The following XRCC4 variants were observed in gnomAD, a reference collection of about 807,000 sequenced individuals.
The protein encoded by XRCC4 is X-ray repair cross complementing 4, also known as DNA repair protein XRCC4.
Under a neutral mutation model 39.1 loss-of-function variants are expected in XRCC4, and 28 were observed. That is an observed-to-expected ratio of 0.72 (90% CI 0.53 to 0.98). The LOEUF is 0.98. Ranked by LOEUF, XRCC4 falls within the 50% of genes least tolerant of loss-of-function variation. The pLI is 0.00. For missense variants in XRCC4, 350 were observed against 376.4 expected (o/e 0.93, Z 0.58); for synonymous variants, 123 against 126.4 (o/e 0.97, Z 0.18).
intron 7 of XRCC4, among the ~76,000 whole-genome samples, chr5:83,322,875 CA>C (rs1756124379): frequency 6.6e-6 from 1 of 152,082 alleles, no homozygotes; most frequent in Non-Finnish European, 1.5e-5. Context: ...TTCTGGACTC[CA>C]GAACTATAAG....
chr5:83,095,598 T>C lies in XRCC4; in HGVS notation c.-10-9312T>C, dbSNP rs546004484. Among the ~76,000 whole-genome samples, 4 of 152,112 alleles carry C rather than the reference T, an allele frequency of 2.6e-5. No individual in the cohort carries two copies. The East Asian group carries it at 7.8e-4, about 30-fold the overall frequency. ...TTGCTCAGACTGGCTAGTCTTCTGG[T>C]AGTTCTCTACCTAGACAGGATTACT... On this transcript the variant is annotated intron_variant, in intron 1 of 7. Transcript: ENST00000396027.
chr5:83,302,252 G>A (rs1353995541), intron 7 of XRCC4, among the ~76,000 whole-genome samples: 3 of 148,690 alleles, frequency 2.0e-5, no homozygotes, highest in East Asian at 1.9e-4. Context: ...GAGCCAATGG[G>A]GTACCAAAAA....
the XRCC4 span, among the ~76,000 whole-genome samples, chr5:83,367,749 C>T: frequency 6.6e-6 from 1 of 151,962 alleles, no homozygotes; most frequent in Non-Finnish European, 1.5e-5. Flanking sequence ...CCACCATACC[C>T]AGCTAATTTT....
intron 6 of XRCC4, among the ~76,000 whole-genome samples, chr5:83,246,122 A>G (rs1474424541): frequency 6.6e-6 from 1 of 152,020 alleles, no homozygotes; most frequent in African/African-American, 2.4e-5. Flanking sequence ...CAACTGATAT[A>G]CCAGTATGGA....
At chr5:83,152,365 G>A (rs968616348) in intron 3 of XRCC4, among the ~76,000 whole-genome samples, 1 of 152,188 alleles carries the variant, frequency 6.6e-6, no homozygotes, top group African/African-American at 2.4e-5. Flanking sequence ...CTGGCACGGT[G>A]GCTCACGCCT....
intron 3 of XRCC4, among the ~76,000 whole-genome samples, chr5:83,112,421 T>C (rs1286616084): frequency 4.6e-5 from 7 of 152,234 alleles, no homozygotes; most frequent in African/African-American, 1.7e-4. Context: ...CTAGCATTAT[T>C]TTGTGCAGCG....
intron 3 of XRCC4, among the ~76,000 whole-genome samples, chr5:83,176,227 C>G (rs1323363892): frequency 6.6e-6 from 1 of 151,998 alleles, no homozygotes; most frequent in Non-Finnish European, 1.5e-5. Context: ...CCTTCAAATA[C>G]TTTTTGGGTG....
intron 7 of XRCC4, among the ~76,000 whole-genome samples, chr5:83,311,660 A>G (rs1179520498): frequency 6.6e-6 from 1 of 152,064 alleles, no homozygotes; most frequent in Non-Finnish European, 1.5e-5. Flanking sequence ...TCATCTAGTC[A>G]TTTTGGTAGA....
At chr5:83,197,609 G>A (rs1022651698) in intron 4 of XRCC4, among the ~76,000 whole-genome samples, 1 of 152,084 alleles carries the variant, frequency 6.6e-6, no homozygotes, top group East Asian at 1.9e-4. Context: ...GTGTGTGAGG[G>A]GCACATATTA....
chr5:83,204,477 T>C lies in XRCC4; in HGVS notation c.639-338T>C, dbSNP rs569390166. On this transcript the variant is annotated intron_variant, in intron 5 of 7. Coordinates refer to ENST00000396027, the MANE Select transcript of XRCC4 (RefSeq NM_003401.5). The stretch of plus-strand genomic sequence containing the variant: ...AGAGATCAAATGAAATGCGAACTGT[T>C]CTGAGATTAGTAAAATGTTAAATAC... Among the ~76,000 whole-genome samples the C allele has an allele frequency of 9.9e-5, 15 of 152,200 alleles. No homozygotes were observed. In the South Asian group the frequency reaches 3.1e-3, roughly 32 times the overall value.
chr5:83,374,386 C>T, the XRCC4 span, among the ~76,000 whole-genome samples: 13 of 152,176 alleles, frequency 8.5e-5, no homozygotes, highest in African/African-American at 2.4e-4. Flanking sequence ...CCAGGTGAGA[C>T]GTGCGTTTTG....
intron 3 of XRCC4, among the ~76,000 whole-genome samples, chr5:83,164,348 A>G (rs1158087213): frequency 6.6e-6 from 1 of 152,192 alleles, no homozygotes; most frequent in Non-Finnish European, 1.5e-5. Context: ...TTTTCAATAA[A>G]TCATTCCTTA....
At chr5:83,335,984 A>T (rs987924942) in intron 7 of XRCC4, among the ~76,000 whole-genome samples, 1 of 152,048 alleles carries the variant, frequency 6.6e-6, no homozygotes, top group African/African-American at 2.4e-5. Flanking sequence ...ATTCTTACAG[A>T]TGAGTTTTTT....
intron 7 of XRCC4, among the ~76,000 whole-genome samples, chr5:83,276,582 G>T (rs1283009634): frequency 6.6e-6 from 1 of 152,122 alleles, no homozygotes; most frequent in Non-Finnish European, 1.5e-5. Flanking sequence ...ACAATCTCAG[G>T]ATTCTACAGA....
chr5:83,290,821 C>T (rs2112976065), intron 7 of XRCC4, among the ~76,000 whole-genome samples: 1 of 151,932 alleles, frequency 6.6e-6, no homozygotes, highest in South Asian at 2.1e-4. Context: ...ACAAAATTAC[C>T]ACCCTTTATG....
intron 1 of XRCC4, among the ~76,000 whole-genome samples, chr5:83,088,492 C>T (rs762573412): frequency 2.0e-5 from 3 of 151,988 alleles, no homozygotes; most frequent in Non-Finnish European, 4.4e-5. Flanking sequence ...GTTATTTCAA[C>T]TTAATGGGAA....
At chr5:83,119,192 T>G (rs1746880047) in intron 3 of XRCC4, among the ~76,000 whole-genome samples, 1 of 152,242 alleles carries the variant, frequency 6.6e-6, no homozygotes, top group African/African-American at 2.4e-5. Context: ...TTCAAAGGGC[T>G]ATTTCCAGAT....
chr5:83,316,946 G>C (rs369513775), intron 7 of XRCC4, among the ~76,000 whole-genome samples: 1 of 19,568 alleles, frequency 5.1e-5, no homozygotes, highest in African/African-American at 1.9e-4. Context: ...TGACCACATA[G>C]TTGGAAGTAA....
rs13362168 is a variant in XRCC4 at position 83,152,078 on chromosome 5, G to T, written c.315+40875G>T. Among the ~76,000 whole-genome samples, 491 of 152,290 alleles carry T rather than the reference G, an allele frequency of 3.2e-3. 2 individuals are homozygous for T. Among genetic ancestry groups the T allele is most frequent in the African/African-American group, 0.011 (468 of 41,564 alleles). On this transcript the variant is annotated intron_variant, in intron 3 of 7. Transcript: ENST00000396027. ...CAAAACATACCAACTAATGACTAAT[G>T]TGATAGAAATGCAAAATTGAAGTAA... is the stretch of plus-strand genomic sequence containing the variant.
Sources: gnomAD v4.1 joint callset for allele counts (sites outside exome capture counted in the v4.1 genomes callset) on GRCh38, gnomAD v4.1.1 for gene constraint, MANE v1.5 for transcripts, NCBI Gene and HGNC (gene_info 2026-07-23, HGNC 2026-07-21) for gene names.